Variants in UBE4B observed in about 807,000 individuals in gnomAD.
UBE4B encodes the protein ubiquitin conjugation factor E4 B.
A neutral mutation model predicts 148.1 loss-of-function variants in UBE4B; 27 were observed. That is an observed-to-expected ratio of 0.18 (90% confidence interval 0.13 to 0.25). UBE4B has a LOEUF of 0.25. UBE4B is among the 10% of genes least tolerant of loss of function. The pLI is 1.00. For missense variants in UBE4B, 1,170 were observed against 1,662.4 expected (o/e 0.70, Z 5.15); for synonymous variants, 596 against 619.3 (o/e 0.96, Z 0.56).
intron 4 of UBE4B, 43 bp from the exon 5 acceptor site, chr1:10,102,905 A>G: frequency 6.4e-7 from 1 of 1,571,878 alleles, no homozygotes; most frequent in South Asian, 1.1e-5. Context: ...CCTAACTCAT[A>G]CCTCTTATTT....
Position 10,149,343 on chromosome 1 carries a change from T to G in UBE4B, c.2690+61T>G, listed in dbSNP as rs1645933688. 7.4e-6 allele frequency: 10 copies of G among 1,346,012 alleles called. No homozygotes were observed. The South Asian group carries it at 1.3e-4, about 17-fold the overall frequency. 83.4% of individuals were successfully genotyped at this position (1,346,012 alleles called of 1,614,324 possible). A position where few individuals can be genotyped will look rare whatever the true frequency, so the allele number is the denominator to read the frequency against. ...GTTTTTATGCATAATAGTATAATAT[T>G]CTGAGCTATGTTGCAAACCTCCATT... On this transcript the variant is annotated intron_variant, in intron 20 of 27. Coordinates refer to ENST00000343090, the MANE Select transcript of UBE4B (RefSeq NM_001105562.3).
At chr1:10,166,941 TCACACACA>T (rs559608777) in intron 23 of UBE4B, among the ~76,000 whole-genome samples, 20 of 131,386 alleles carry the variant, frequency 1.5e-4, no homozygotes, top group African/African-American at 4.4e-4. Flanking sequence ...AATAAATAAA[TCACACACA>T]CACACACACA....
rs570406572 is a variant in UBE4B at position 10,044,045 on chromosome 1, C to CT, written c.24+10361dup. ...CACAATTCCACGTTTCTTTTCTTTT[C>CT]TTTTTTTTTTGGAGACAGAGTCTTG... On this transcript the variant is annotated intron_variant, in intron 1 of 27. Coordinates refer to ENST00000343090, the MANE Select transcript of UBE4B (RefSeq NM_001105562.3). Among the ~76,000 whole-genome samples, 123 of 147,554 alleles carry CT rather than the reference C, an allele frequency of 8.3e-4. 2 individuals are homozygous for CT. The highest frequency in any genetic ancestry group is 1.4e-3 in the Non-Finnish European group (90 of 66,438).
At chr1:10,061,870 G>C (rs184471942) in intron 1 of UBE4B, among the ~76,000 whole-genome samples, 131 of 151,052 alleles carry the variant, frequency 8.7e-4, no homozygotes, top group African/African-American at 3.1e-3. Context: ...CTATACGTGT[G>C]TAGTGTGTGC....
intron 22 of UBE4B, among the ~76,000 whole-genome samples, chr1:10,160,598 G>T (rs187345168): frequency 9.7e-4 from 148 of 152,250 alleles, no homozygotes; most frequent in South Asian, 1.7e-3. Flanking sequence ...CATCAGCCGT[G>T]CAAGGTGGCT....
rs557408095 is a variant in UBE4B at position 10,152,875 on chromosome 1, G to A, written c.2926+1314G>A. Among the ~76,000 whole-genome samples the A allele has an allele frequency of 1.4e-3, 218 of 152,112 alleles. 1 individual carries two copies. Among genetic ancestry groups the A allele is most frequent in the African/African-American group, 4.8e-3 (200 of 41,508 alleles). ...GCCATCTTCTATCCCTCAGTCTGGG[G>A]ACCCAAGGGAAGAGCCTGGGGATCT... is the stretch of plus-strand genomic sequence containing the variant. On this transcript the variant is annotated intron_variant, in intron 21 of 27. Coordinates refer to ENST00000343090, the MANE Select transcript of UBE4B (RefSeq NM_001105562.3).
chr1:10,168,180 T>C lies in UBE4B; in HGVS notation c.3243T>C (p.Arg1081=). The part of the protein sequence containing the change: ...ARQSQLAQDE[R]VSRSYLALAT... ...AGTCTCAGCTTGCTCAGGATGAGCGTGTGTCCCGCTCTTACCTCGCCCTGG... is the reference window on the plus strand; with the variant it reads ...AGTCTCAGCTTGCTCAGGATGAGCGCGTGTCCCGCTCTTACCTCGCCCTGG... Residue 1081 remains arginine, a synonymous_variant, in exon 24 of 28, where the codon CGT becomes CGC. Coordinates refer to ENST00000343090, the MANE Select transcript of UBE4B (RefSeq NM_001105562.3). This position sits in a 1 kb window ranked among gnomAD's most constrained non-coding sequence, Gnocchi z 4.9. 6.2e-7 allele frequency: 1 copy of C among 1,614,188 alleles called. No individual in the cohort carries two copies. The highest frequency in any genetic ancestry group is 8.5e-7 in the Non-Finnish European group (1 of 1,180,040).
At chr1:10,043,951 G>A (rs1643866617) in intron 1 of UBE4B, among the ~76,000 whole-genome samples, 1 of 152,198 alleles carries the variant, frequency 6.6e-6, no homozygotes, top group Admixed American at 6.5e-5. Flanking sequence ...ATACAGAGAG[G>A]AATGGAAACA....
At chr1:10,136,419 GTGATCTT>G (rs1397410850) in intron 16 of UBE4B, among the ~76,000 whole-genome samples, 1 of 150,364 alleles carries the variant, frequency 6.7e-6, no homozygotes, top group Non-Finnish European at 1.5e-5. Context: ...GCAGTGATCT[GTGATCTT>G]ACCACTGCAC....
chr1:10,054,081 A>T (rs1169597214), intron 1 of UBE4B, among the ~76,000 whole-genome samples: 1 of 152,102 alleles, frequency 6.6e-6, no homozygotes, highest in Non-Finnish European at 1.5e-5. Context: ...TTAAAAAAAA[A>T]GACAGGATTT....
At chr1:10,053,448 CTATTTATTTTT>C (rs1329890466) in intron 1 of UBE4B, among the ~76,000 whole-genome samples, 4 of 149,418 alleles carry the variant, frequency 2.7e-5, no homozygotes, top group Non-Finnish European at 4.5e-5. Context: ...TGCGCCTGGC[CTATTTATTTTT>C]TATTTAATTT....
chr1:10,116,082 A>G (rs1159293244), intron 7 of UBE4B, among the ~76,000 whole-genome samples: 1 of 152,158 alleles, frequency 6.6e-6, no homozygotes, highest in Non-Finnish European at 1.5e-5. Context: ...GTTTCTAGAC[A>G]TTAATTGTGT....
rs554385059 is a variant in UBE4B, at chr1:10,106,009, A to T, written c.810-188A>T. Among the ~76,000 whole-genome samples, 1 of 152,208 alleles carries T rather than the reference A, an allele frequency of 6.6e-6. No individual in the cohort carries two copies. The highest frequency in any genetic ancestry group is 1.9e-4 in the East Asian group (1 of 5,178). ...ACATCATTCTTCGAATGGGGACTTTATCGTCTTGTAAGTATAGCCTCTAGA... is the reference window on the plus strand; with the variant it reads ...ACATCATTCTTCGAATGGGGACTTTTTCGTCTTGTAAGTATAGCCTCTAGA... On this transcript the variant is annotated intron_variant, in intron 6 of 27. Transcript: ENST00000343090. The surrounding 1 kb of genome is among the most constrained non-coding windows in gnomAD (Gnocchi z 4.2).
At chr1:10,060,156 C>T (rs953773278) in intron 1 of UBE4B, among the ~76,000 whole-genome samples, 10 of 152,152 alleles carry the variant, frequency 6.6e-5, no homozygotes, top group African/African-American at 2.4e-4. Flanking sequence ...CAAGCAACTA[C>T]AGTCATGCAT....
intron 7 of UBE4B, among the ~76,000 whole-genome samples, 158 bp from the exon 8 acceptor site, chr1:10,117,301 C>T (rs568384953): frequency 6.6e-6 from 1 of 152,240 alleles, no homozygotes; most frequent in Non-Finnish European, 1.5e-5. Flanking sequence ...GGCTTTGGAG[C>T]AGGTGAAACA....
At chr1:10,082,811 C>T (rs1483560496) in intron 2 of UBE4B, among the ~76,000 whole-genome samples, 1 of 151,292 alleles carries the variant, frequency 6.6e-6, no homozygotes. Flanking sequence ...TCCCCTTGAC[C>T]CCACCCTCCC....
chr1:10,090,232 C>A (rs779980732), intron 2 of UBE4B, among the ~76,000 whole-genome samples: 2 of 152,002 alleles, frequency 1.3e-5, no homozygotes, highest in Non-Finnish European at 2.9e-5. Flanking sequence ...TGACCCACCC[C>A]CCTCAGCTTC....
intron 2 of UBE4B, among the ~76,000 whole-genome samples, chr1:10,093,757 C>T (rs570738258): frequency 2.0e-5 from 3 of 150,622 alleles, no homozygotes; most frequent in Admixed American, 6.6e-5. Flanking sequence ...GGCAGTGGGG[C>T]GATCTTGGCT....
At chr1:10,038,544 T>G (rs1643631919) in intron 1 of UBE4B, among the ~76,000 whole-genome samples, 1 of 152,190 alleles carries the variant, frequency 6.6e-6, no homozygotes, top group Admixed American at 6.5e-5. Context: ...GCGACCTGGC[T>G]TAGAAGTGAT....
Sources: gnomAD v4.1 joint callset for allele counts (sites outside exome capture counted in the v4.1 genomes callset) on GRCh38, gnomAD v4.1.1 for gene constraint, Gnocchi (gnomAD v3.1) non-coding constraint, MANE v1.5 for transcripts, NCBI Gene and HGNC (gene_info 2026-07-23, HGNC 2026-07-21) for gene names.